EYA1: variants seen among roughly 807,000 people sequenced by gnomAD.
The protein encoded by EYA1 is protein phosphatase EYA1.
In EYA1, 16 loss-of-function variants were observed where a neutral mutation model predicts 82.0. The observed-to-expected ratio is 0.20, with a 90% confidence interval of 0.13 to 0.30. The LOEUF (loss-of-function observed/expected upper bound fraction) is 0.30. Among genes scored for constraint, EYA1 ranks in the 10% least tolerant of loss-of-function variants. EYA1 has a pLI of 1.00. For synonymous variants in EYA1, 261 were observed against 264.4 expected, an observed-to-expected ratio of 0.99 and a Z score of 0.12; for missense variants, 633 against 730.7, an observed-to-expected ratio of 0.87 and a Z score of 1.54.
chr8:71,346,185 T>C (rs1825684603), intron 3 of EYA1, among the ~76,000 whole-genome samples: 1 of 152,010 alleles, frequency 6.6e-6, no homozygotes, highest in Non-Finnish European at 1.5e-5. Context: ...CCACAATCAC[T>C]TCAGTCATGA....
At chr8:71,331,422 ATC>A (rs1823849106) in intron 4 of EYA1, among the ~76,000 whole-genome samples, 1 of 151,304 alleles carries the variant, frequency 6.6e-6, no homozygotes, top group Non-Finnish European at 1.5e-5. Context: ...CAAAAAGATT[ATC>A]TCTTTGTAGC....
intron 2 of EYA1, among the ~76,000 whole-genome samples, chr8:71,397,660 T>C: frequency 6.6e-6 from 1 of 152,262 alleles, no homozygotes. Flanking sequence ...AGAGATCCAC[T>C]GTTAGTCTGA....
intron 2 of EYA1, among the ~76,000 whole-genome samples, chr8:71,374,093 C>T (rs747267970): frequency 4.0e-5 from 6 of 151,444 alleles, no homozygotes; most frequent in Non-Finnish European, 5.9e-5. Context: ...TTTTTTGGAA[C>T]GGACAAAAAA....
chr8:71,291,969 T>C (rs1819047169), intron 9 of EYA1, among the ~76,000 whole-genome samples: 1 of 152,096 alleles, frequency 6.6e-6, no homozygotes, highest in Non-Finnish European at 1.5e-5. Context: ...AAATATGTTG[T>C]CAGGCCAAAT....
At chr8:71,338,848 C>T (rs533990006) in intron 3 of EYA1, among the ~76,000 whole-genome samples, 1 of 152,284 alleles carries the variant, frequency 6.6e-6, no homozygotes, top group East Asian at 1.9e-4. Context: ...CCCAGCAGCA[C>T]CTAAGCTCAT....
intron 3 of EYA1, among the ~76,000 whole-genome samples, chr8:71,340,710 T>C (rs1441858338): frequency 6.6e-6 from 1 of 152,196 alleles, no homozygotes; most frequent in Admixed American, 6.5e-5. Flanking sequence ...GAAAGTCTTA[T>C]GCATTTCAAT....
intron 11 of EYA1, among the ~76,000 whole-genome samples, chr8:71,262,931 C>T (rs1815314972): frequency 1.3e-5 from 2 of 152,090 alleles, no homozygotes; most frequent in African/African-American, 4.8e-5. Context: ...TCTAATTTGG[C>T]ATTGATATAC....
intron 9 of EYA1, among the ~76,000 whole-genome samples, chr8:71,274,231 C>T (rs943149424): frequency 1.3e-5 from 2 of 152,174 alleles, no homozygotes; most frequent in Admixed American, 6.5e-5. Flanking sequence ...CACACCCGTA[C>T]CTTGCAGGCC....
chr8:71,272,016 T>A, intron 9 of EYA1, 119 bp from the exon 10 acceptor site: 1 of 1,034,298 alleles, frequency 9.7e-7, no homozygotes, highest in South Asian at 1.3e-5. Flanking sequence ...TCTGCTGAAA[T>A]CCTACATCGT....
chr8:71,428,107 A>G (rs2129157523), intron 2 of EYA1, among the ~76,000 whole-genome samples: 1 of 152,292 alleles, frequency 6.6e-6, no homozygotes, highest in South Asian at 2.1e-4. Flanking sequence ...AAGTTGCCAT[A>G]AGAAGCAATT....
At chr8:71,542,342 G>A (rs979157896) in intron 1 of EYA1, among the ~76,000 whole-genome samples, 8 of 152,290 alleles carry the variant, frequency 5.3e-5, no homozygotes, top group Admixed American at 2.0e-4. Flanking sequence ...TTCTGCCTTA[G>A]TTTGCTAAGT....
chr8:71,412,220 G>A lies in EYA1; in HGVS notation c.34-55709C>T, dbSNP rs1345167299. Among the ~76,000 whole-genome samples the A allele has an allele frequency of 7.9e-3, 932 of 117,718 alleles. 6 individuals are homozygous for A. The highest frequency in any genetic ancestry group is 0.012 in the Non-Finnish European group (683 of 58,148). 77.2% of individuals were successfully genotyped at this position (117,718 alleles called of 152,430 possible). On this transcript the variant is annotated intron_variant, in intron 2 of 18. Transcript: ENST00000643681. ...CAGGAAGGGGAATATCACACTCTGG[G>A]GACTGTGGTGGGGTGGGGGGAGGGG...
intron 2 of EYA1, among the ~76,000 whole-genome samples, chr8:71,491,031 A>G (rs77060156): frequency 0.083 from 12,549 of 151,674 alleles, 1,721 homozygotes; most frequent in African/African-American, 0.28. Flanking sequence ...GATTGGATGA[A>G]AAAAAAAACA....
chr8:71,398,038 T>C, intron 2 of EYA1, among the ~76,000 whole-genome samples: 1 of 152,198 alleles, frequency 6.6e-6, no homozygotes, highest in Non-Finnish European at 1.5e-5. Flanking sequence ...TTTCATTCAT[T>C]TGGTTTTCAA....
At chr8:71,343,257 C>T (rs530637778) in intron 3 of EYA1, among the ~76,000 whole-genome samples, 4 of 152,232 alleles carry the variant, frequency 2.6e-5, no homozygotes, top group African/African-American at 7.2e-5. Flanking sequence ...GGAGCTGGTG[C>T]TATATTCCCC....
intron 11 of EYA1, among the ~76,000 whole-genome samples, chr8:71,257,844 T>G (rs979761952): frequency 5.9e-5 from 9 of 152,202 alleles, no homozygotes; most frequent in Non-Finnish European, 1.5e-5. Flanking sequence ...AACATTTCAT[T>G]TAAGGCTCCT....
intron 2 of EYA1, among the ~76,000 whole-genome samples, chr8:71,387,191 G>A (rs940038769): frequency 2.0e-5 from 3 of 152,098 alleles, no homozygotes; most frequent in African/African-American, 7.2e-5. Flanking sequence ...AAGCATGACA[G>A]TCAGTGATGA....
At chr8:71,485,648 T>C (rs1193538541) in intron 2 of EYA1, among the ~76,000 whole-genome samples, 3 of 152,182 alleles carry the variant, frequency 2.0e-5, no homozygotes, top group African/African-American at 7.2e-5. Flanking sequence ...GGAATATGGC[T>C]TTGTTTTTCT....
chr8:71,280,026 T>G (rs1012538139), intron 9 of EYA1, among the ~76,000 whole-genome samples: 1 of 152,222 alleles, frequency 6.6e-6, no homozygotes, highest in African/African-American at 2.4e-5. Context: ...TCCGCTTGGT[T>G]TGATACACGC....
Sources: gnomAD v4.1 joint callset for allele counts (sites outside exome capture counted in the v4.1 genomes callset) on GRCh38, gnomAD v4.1.1 for gene constraint, MANE v1.5 for transcripts, NCBI Gene and HGNC (gene_info 2026-07-23, HGNC 2026-07-21) for gene names.